The following DICER1 variants were observed in gnomAD, a reference collection of about 807,000 sequenced individuals.
The protein encoded by DICER1 is endoribonuclease Dicer.
DICER1 carries 43 observed loss-of-function variants against 194.1 expected under a neutral mutation model. The observed-to-expected ratio is 0.22, with a 90% CI of 0.17 to 0.29. DICER1 has a LOEUF of 0.29. Among genes scored for constraint, DICER1 ranks in the 10% least tolerant of loss-of-function variants. The pLI is 1.00. For synonymous variants in DICER1, 832 were observed against 820.5 expected, an observed-to-expected ratio of 1.01 and a Z score of -0.24; for missense variants, 1,608 against 2,317.0, an observed-to-expected ratio of 0.69 and a Z score of 6.28.
rs1472894234 is a variant in DICER1 at position 95,087,008 on chromosome 14, T to G, written c.*3490A>C. ...AGGTCTCAGTTTGGTGGCTTCAATC[T>G]TGTGTAAAGGGATTAGACACCCTAA... is the stretch of plus-strand genomic sequence containing the variant. On this transcript the variant is annotated 3_prime_UTR_variant, in exon 27 of 27. Coordinates refer to ENST00000343455, the MANE Select transcript of DICER1 (RefSeq NM_177438.3). The G allele has an allele frequency of 4.3e-6, 1 of 233,042 alleles. No individual in the cohort carries two copies. The highest frequency in any genetic ancestry group is 8.5e-6 in the Non-Finnish European group (1 of 117,958). The allele number at this position is 233,042 out of a possible 1,614,324, so 14.4% of individuals were successfully genotyped here.
At chr14:95,092,268 A>G (rs1288447526) in intron 24 of DICER1, among the ~76,000 whole-genome samples, 1 of 152,180 alleles carries the variant, frequency 6.6e-6, no homozygotes, top group Non-Finnish European at 1.5e-5. Context: ...TACATTTTAG[A>G]TATGTTTATA....
rs1889510085 is a variant in DICER1 at position 95,088,401 on chromosome 14, C to T, written c.*2097G>A. ...ATTAGACACAATGCAAAGCCCTAAG[C>T]TCCTGGCATCAGGTAGTTTATAAAT... On this transcript the variant is annotated 3_prime_UTR_variant, in exon 27 of 27. Transcript: ENST00000343455. 1 of 232,492 alleles carries T rather than the reference C, an allele frequency of 4.3e-6. No individual in the cohort carries two copies. The highest frequency in any genetic ancestry group is 8.5e-6 in the Non-Finnish European group (1 of 117,446). 14.4% of individuals were successfully genotyped at this position (232,492 alleles called of 1,614,324 possible).
rs753976236 is a variant in DICER1, at chr14:95,096,192, C to A, written c.4728G>T (p.Glu1576Asp). The change falls in exon 23 of 27, where the codon GAG (glutamate) becomes GAT (aspartate). Residue 1576 changes from glutamate (E) to aspartate (D), a missense_variant. Physicochemically the swap from Glu to Asp is conservative, Grantham distance 45 (BLOSUM62 2). Around this residue, in one of 10 missense-constraint regions of DICER1, gnomAD observed 125 missense variants for 134.9 expected, o/e 0.93. Coordinates refer to ENST00000343455, the MANE Select transcript of DICER1 (RefSeq NM_177438.3). ...AACAGAGGAAAAGCTGAGCAGCCCT[C>A]TCCCCACAGCTGGTTAAATAGCAGC... Reference protein sequence around the residue: ...LLGCYLTSCGERAAQLFLCSL... With the variant: ...LLGCYLTSCGDRAAQLFLCSL... 6.2e-6 allele frequency: 10 copies of A among 1,614,234 alleles called. No individual in the cohort carries two copies. The South Asian group carries it at 1.1e-4, about 18-fold the overall frequency.
intron 12 of DICER1, among the ~76,000 whole-genome samples, chr14:95,112,539 A>G (rs1566784080): frequency 6.6e-6 from 1 of 152,206 alleles, no homozygotes. Context: ...CTAATCAATA[A>G]ATATGTAACA....
At chr14:95,115,887 T>C in intron 10 of DICER1, 66 bp from the exon 11 acceptor site, 1 of 1,532,850 alleles carries the variant, frequency 6.5e-7, no homozygotes. Flanking sequence ...TGTCTGCCTC[T>C]GTACCTACAG....
chr14:95,103,211 G>T (rs1891048075), intron 21 of DICER1, 135 bp downstream of exon 21: 2 of 974,174 alleles, frequency 2.1e-6, no homozygotes, highest in Non-Finnish European at 3.2e-6. Context: ...GTAGAACAAG[G>T]GAGCAGCTGT....
intron 1 of DICER1, among the ~76,000 whole-genome samples, chr14:95,150,825 T>G (rs1331101602): frequency 6.6e-6 from 1 of 152,192 alleles, no homozygotes; most frequent in Non-Finnish European, 1.5e-5. Context: ...ACATACCTAA[T>G]GTAGTTTTCC....
intron 8 of DICER1, among the ~76,000 whole-genome samples, chr14:95,123,616 C>T (rs545265943): frequency 2.8e-4 from 43 of 152,232 alleles, no homozygotes; most frequent in African/African-American, 9.4e-4. Flanking sequence ...GACAGGGTTT[C>T]GTTGTGTTGC....
intron 6 of DICER1, among the ~76,000 whole-genome samples, chr14:95,127,074 T>C (rs529611221): frequency 2.5e-4 from 38 of 152,276 alleles, no homozygotes; most frequent in African/African-American, 8.9e-4. Flanking sequence ...GGAATTTACA[T>C]ACCTTCTAAC....
chr14:95,090,836 C>T (rs919793848), intron 26 of DICER1, 173 bp from the exon 27 acceptor site: 7 of 954,718 alleles, frequency 7.3e-6, no homozygotes, highest in East Asian at 5.1e-5. Flanking sequence ...ACAGGGCTGC[C>T]GTCTAGTCTT....
rs114845631 is a variant in DICER1, at chr14:95,107,123, T to A, written c.2804+485A>T. On this transcript the variant is annotated intron_variant, in intron 17 of 26. Coordinates refer to ENST00000343455, the MANE Select transcript of DICER1 (RefSeq NM_177438.3). ...GCCTAGAAATCCTGGGCTGAAGCAA[T>A]CTTCCCACCTCAGCCCTGAGTAGCT... Among the ~76,000 whole-genome samples the A allele has an allele frequency of 1.1e-3, 160 of 152,248 alleles. 2 individuals carry two copies. The highest frequency in any genetic ancestry group is 3.6e-3 in the African/African-American group (148 of 41,542).
intron 1 of DICER1, among the ~76,000 whole-genome samples, chr14:95,143,790 G>C (rs1249742630): frequency 6.6e-6 from 1 of 152,082 alleles, no homozygotes; most frequent in Non-Finnish European, 1.5e-5. Flanking sequence ...TGGGTTGGGA[G>C]ATTTTGGTTT....
In DICER1 at chr14:95,087,347, G is replaced by T. The variant is rs1397477427; in HGVS notation, c.*3151C>A. ...ACGTAATATAAAAGAAAAAAGAAAAGAAATATAACAAACATTTTAAAAACA... is the reference window on the plus strand; with the variant it reads ...ACGTAATATAAAAGAAAAAAGAAAATAAATATAACAAACATTTTAAAAACA... On this transcript the variant is annotated 3_prime_UTR_variant, in exon 27 of 27. Transcript: ENST00000343455. 3.0e-5 allele frequency: 7 copies of T among 233,026 alleles called. No homozygotes were observed. The highest frequency in any genetic ancestry group is 5.9e-5 in the Non-Finnish European group (7 of 117,778). The allele number at this position is 233,026 out of a possible 1,614,324, so 14.4% of individuals were successfully genotyped here. A position where few individuals can be genotyped will look rare whatever the true frequency, so the allele number is the denominator to read the frequency against.
At chr14:95,138,316 G>GA (rs1443964527) in intron 1 of DICER1, among the ~76,000 whole-genome samples, 1 of 142,600 alleles carries the variant, frequency 7.0e-6, no homozygotes, top group Non-Finnish European at 1.5e-5. Context: ...ATCAATCTGA[G>GA]AAAAAAAGTG....
At chr14:95,107,493 G>A (rs1429668759) in intron 17 of DICER1, 115 bp downstream of exon 17, 7 of 969,460 alleles carry the variant, frequency 7.2e-6, no homozygotes, top group Non-Finnish European at 1.2e-5. Context: ...CTCATGATCT[G>A]CCCGCCTTGG....
intron 17 of DICER1, among the ~76,000 whole-genome samples, chr14:95,107,095 A>C (rs1891489193): frequency 6.6e-6 from 1 of 152,122 alleles, no homozygotes; most frequent in African/African-American, 2.4e-5. Context: ...AGCTTACTGC[A>C]CAGCCTAGAA....
At position 95,157,290 on chromosome 14, in the gene DICER1, C is replaced by A; in HGVS notation, c.-106G>T. The A allele has an allele frequency of 6.6e-6, 1 of 152,174 alleles. No individual in the cohort carries two copies. The highest frequency in any genetic ancestry group is 1.9e-4 in the South Asian group (1 of 5,250). The allele number at this position is 152,174 out of a possible 1,614,324, so 9.4% of individuals were successfully genotyped here. A position where few individuals can be genotyped will look rare whatever the true frequency, so the allele number is the denominator to read the frequency against. On this transcript the variant is annotated 5_prime_UTR_variant, in exon 1 of 27. An upstream open reading frame in the 5' UTR loses its in-frame stop. Coordinates refer to ENST00000343455, the MANE Select transcript of DICER1 (RefSeq NM_177438.3). Reference sequence around the variant, plus strand: ...TCGGACCCCGCTCCGGCGCGCGCGTCACAGCCCAGGCCTCCCGGAGCCGCC... The same window carrying A: ...TCGGACCCCGCTCCGGCGCGCGCGTAACAGCCCAGGCCTCCCGGAGCCGCC...
At chr14:95,100,591 CTACT>C (rs1890790027) in intron 21 of DICER1, among the ~76,000 whole-genome samples, 1 of 152,226 alleles carries the variant, frequency 6.6e-6, no homozygotes, top group Non-Finnish European at 1.5e-5. Flanking sequence ...ATCTTACCCT[CTACT>C]CCGGTCTGTT....
intron 21 of DICER1, among the ~76,000 whole-genome samples, chr14:95,100,745 T>C (rs1467943741): frequency 6.6e-6 from 1 of 152,162 alleles, no homozygotes. Context: ...AAGTACTTCA[T>C]TAGCCCTCTT....
Sources: gnomAD v4.1 joint callset for allele counts (sites outside exome capture counted in the v4.1 genomes callset) on GRCh38, gnomAD v4.1.1 for gene constraint, gnomAD v4.1.1 regional missense constraint, MANE v1.5 for transcripts, NCBI Gene and HGNC (gene_info 2026-07-23, HGNC 2026-07-21) for gene names.